SPEG: variants seen among roughly 807,000 people sequenced by gnomAD.
SPEG encodes striated muscle enriched protein kinase.
SPEG carries 114 observed loss-of-function variants against 300.4 expected under a neutral mutation model. The ratio of observed to expected loss-of-function variants is 0.38; its 90% CI spans 0.33 to 0.44. SPEG has a LOEUF of 0.44. Among genes scored for constraint, SPEG ranks in the 20% least tolerant of loss-of-function variants. The probability of loss-of-function intolerance (pLI) is 1.00; values close to 1 mark genes in which losing one functional copy is unlikely to be tolerated. For synonymous variants in SPEG, 1,964 were observed against 2,018.9 expected, an observed-to-expected ratio of 0.97 and a Z score of 0.73; for missense variants, 4,201 against 4,586.2, an observed-to-expected ratio of 0.92 and a Z score of 2.43.
intron 9 of SPEG, chr2:219,465,899 G>C: frequency 1.5e-6 from 1 of 658,830 alleles, no homozygotes; most frequent in Middle Eastern, 3.2e-4. Flanking sequence ...GTGTGCGTAT[G>C]GGTGTGTGCA....
intron 8 of SPEG, among the ~76,000 whole-genome samples, chr2:219,463,391 G>GTTTTT (rs1690924244): frequency 1.7e-5 from 1 of 60,604 alleles, no homozygotes; most frequent in African/African-American, 6.5e-5. Context: ...TCCCCACTGT[G>GTTTTT]ATTTTTTTTT....
At chr2:219,437,398 C>G (rs1954746457) in intron 1 of SPEG, 1 of 152,276 alleles carries the variant, frequency 6.6e-6, no homozygotes, top group African/African-American at 2.4e-5. Flanking sequence ...GTGTGGTCAG[C>G]AGCGCTGAGC....
At position 219,448,517 on chromosome 2, in the gene SPEG, G is replaced by C. The variant is rs943188914; in HGVS notation, c.1359G>C (p.Ser453=). The change falls in exon 4 of 41, where the codon TCG becomes TCC. Residue 453 remains serine (S), a synonymous_variant. Coordinates refer to ENST00000312358, the MANE Select transcript of SPEG (RefSeq NM_005876.5). ...CACCGTGGGGCACCCCCGGGGCCTCGCAGGAAGAACTGCGGGCGCCAGGCA... is the reference window on the plus strand; with the variant it reads ...CACCGTGGGGCACCCCCGGGGCCTCCCAGGAAGAACTGCGGGCGCCAGGCA... The part of the protein sequence containing the change: ...RGAPWGTPGA[S]QEELRAPGSV... 16 of 1,448,754 alleles carry C rather than the reference G, an allele frequency of 1.1e-5. 1 individual carries two copies. The highest frequency in any genetic ancestry group is 2.4e-4 in the Middle Eastern group (1 of 4,190). 89.7% of individuals were successfully genotyped at this position (1,448,754 alleles called of 1,614,324 possible).
chr2:219,451,646 C>T lies in SPEG; in HGVS notation c.2279C>T (p.Ser760Leu), dbSNP rs545960079. The T allele has an allele frequency of 3.8e-6, 6 of 1,581,000 alleles. No individual in the cohort carries two copies. Among genetic ancestry groups the T allele is most frequent in the Middle Eastern group, 1.7e-4 (1 of 5,886 alleles). Residue 760 changes from serine to leucine, a missense_variant, in exon 6 of 41, where the codon TCA (serine) becomes TTA (leucine). Coordinates refer to ENST00000312358, the MANE Select transcript of SPEG (RefSeq NM_005876.5). This position sits in a 1 kb window ranked among gnomAD's most constrained non-coding sequence, Gnocchi z 6.4. Reference protein sequence around the residue: ...PPQVSWHKDGSALRSEGRLLL... With the variant: ...PPQVSWHKDGLALRSEGRLLL... Reference sequence around the variant, plus strand: ...ACAGTGTCCTGGCACAAGGATGGGTCAGCGCTGCGCAGCGAGGGCCGCCTC... The same window carrying T: ...ACAGTGTCCTGGCACAAGGATGGGTTAGCGCTGCGCAGCGAGGGCCGCCTC...
chr2:219,465,986 T>C (rs372931720), intron 9 of SPEG: 6 of 1,323,188 alleles, frequency 4.5e-6, no homozygotes, highest in Non-Finnish European at 6.4e-6. Flanking sequence ...TGCATGTGTG[T>C]GTGTGCGCGT....
intron 9 of SPEG, chr2:219,465,983 G>A: frequency 1.5e-6 from 2 of 1,301,688 alleles, no homozygotes; most frequent in Non-Finnish European, 2.2e-6. Flanking sequence ...GTGTGCATGT[G>A]TGTGTGTGCG....
At chr2:219,435,549 C>T (rs1262595286) in intron 1 of SPEG, among the ~76,000 whole-genome samples, 184 bp downstream of exon 1, 3 of 152,192 alleles carry the variant, frequency 2.0e-5, no homozygotes, top group Non-Finnish European at 2.9e-5. Flanking sequence ...AATGGGGTGT[C>T]AAGGTAGAGA....
chr2:219,478,057 TC>T lies in SPEG; in HGVS notation c.4981del (p.His1661MetfsTer44). On this transcript the variant is annotated frameshift_variant, in exon 22 of 41. Transcript: ENST00000312358. LOFTEE classifies it high-confidence loss of function. ...CTCCAGCACGACTGTGTCCTCTACT[TC>T]CATGAGGCCTTCGAGAGGCGCCGGG... ...ARLQHDCVLYFHEAFERRRGL... is the reference protein window; with the variant it reads ...ARLQHDCVLYXHEAFERRRGL... 6.2e-7 allele frequency: 1 copy of T among 1,614,168 alleles called. No homozygotes were observed. Among genetic ancestry groups the T allele is most frequent in the Non-Finnish European group, 8.5e-7 (1 of 1,180,042 alleles).
At chr2:219,442,011 C>A in intron 1 of SPEG, 1 of 645,010 alleles carries the variant, frequency 1.6e-6, no homozygotes, top group Non-Finnish European at 2.2e-6. Flanking sequence ...CCCGCCCGTC[C>A]CCTCCTCGCC....
Position 219,479,212 on chromosome 2 carries a change from T to G in SPEG, c.5085+11T>G. ...GTGTGTGAGTCTGAGGTGAGGGCAG[T>G]GGGTGGCAGGGGCCAGGTTGGGCAC... On this transcript the variant is annotated intron_variant, in intron 23 of 40. Coordinates refer to ENST00000312358, the MANE Select transcript of SPEG (RefSeq NM_005876.5). This position sits in a 1 kb window ranked among gnomAD's most constrained non-coding sequence, Gnocchi z 5.5. The G allele has an allele frequency of 6.2e-7, 1 of 1,612,590 alleles. No homozygotes were observed. Among genetic ancestry groups the G allele is most frequent in the Non-Finnish European group, 8.5e-7 (1 of 1,179,290 alleles).
chr2:219,435,433 GC>G, intron 1 of SPEG, 68 bp downstream of exon 1: 1 of 1,450,704 alleles, frequency 6.9e-7, no homozygotes, highest in Non-Finnish European at 9.1e-7. Flanking sequence ...GGCTGCCCAG[GC>G]CACGCGGGTA....
chr2:219,491,797 C>T lies in SPEG; in HGVS notation c.9389C>T (p.Pro3130Leu), dbSNP rs1376293618. The change falls in exon 39 of 41, where the codon CCG (proline) becomes CTG (leucine). Residue 3130 changes from proline (P) to leucine (L), a missense_variant. By Grantham distance (98) the Pro-to-Leu change is moderately conservative (BLOSUM62 -3). Coordinates refer to ENST00000312358, the MANE Select transcript of SPEG (RefSeq NM_005876.5). ...HRTGTLEFMAPEMVKGEPIGS... is the reference protein window; with the variant it reads ...HRTGTLEFMALEMVKGEPIGS... ...CTTGGCCTCTGTCTCCTGTCAGCTC[C>T]GGAGATGGTGAAGGGAGAACCCATC... The T allele has an allele frequency of 2.5e-6, 4 of 1,613,030 alleles. No individual in the cohort carries two copies. The highest frequency in any genetic ancestry group is 2.2e-5 in the East Asian group (1 of 44,864).
chr2:219,435,029 C>T lies in SPEG; in HGVS notation c.52C>T (p.Pro18Ser), dbSNP rs544959269. Residue 18 changes from proline to serine, a missense_variant, in exon 1 of 41, where the codon CCC (proline) becomes TCC (serine). Physicochemically the swap from Pro to Ser is moderately conservative, Grantham distance 74 (BLOSUM62 -1). This residue lies in a region of SPEG where 1,258 missense variants were observed against 1,293.9 expected (regional missense o/e 0.97). Coordinates refer to ENST00000312358, the MANE Select transcript of SPEG (RefSeq NM_005876.5). ...RGEDAGTRAP[P>S]SPGVPPKRAK... ...CGAGGATGCGGGCACGAGGGCACCC[C>T]CCAGCCCCGGAGTGCCCCCGAAAAG... 2.9e-4 allele frequency: 440 copies of T among 1,500,184 alleles called. 1 individual carries two copies. Among genetic ancestry groups the T allele is most frequent in the Non-Finnish European group, 3.6e-4 (404 of 1,132,484 alleles). 92.9% of individuals were successfully genotyped at this position (1,500,184 alleles called of 1,614,324 possible). A position where few individuals can be genotyped will look rare whatever the true frequency, so the allele number is the denominator to read the frequency against.
Position 219,483,884 on chromosome 2 carries a change from C to T in SPEG, c.6421C>T (p.Arg2141Trp). The change falls in exon 30 of 41, where the codon CGG becomes TGG. Residue 2141 changes from arginine (R) to tryptophan (W), a missense_variant. By Grantham distance (101) the Arg-to-Trp change is moderately radical. This residue lies in a region of SPEG where 1,578 missense variants were observed against 1,506.0 expected (regional missense o/e 1.05). Coordinates refer to ENST00000312358, the MANE Select transcript of SPEG (RefSeq NM_005876.5). Reference sequence around the variant, plus strand: ...CCAGGGTGAGGCGGAGCCCCGGGGCCGGCACCGCCGAGCGGGGGCGCCCCT... The same window carrying T: ...CCAGGGTGAGGCGGAGCCCCGGGGCTGGCACCGCCGAGCGGGGGCGCCCCT... ...FSQGEAEPRG[R>W]HRRAGAPLEI... The T allele has an allele frequency of 6.3e-7, 1 of 1,598,798 alleles. No homozygotes were observed. Among genetic ancestry groups the T allele is most frequent in the Non-Finnish European group, 8.5e-7 (1 of 1,177,810 alleles).
Position 219,481,650 on chromosome 2 carries a change from A to C in SPEG, c.5535A>C (p.Ala1845=). The change falls in exon 28 of 41, where the codon GCA becomes GCC. Residue 1845 remains alanine (A), a synonymous_variant. Transcript: ENST00000312358. The surrounding 1 kb of genome is among the most constrained non-coding windows in gnomAD (Gnocchi z 5.4). The part of the protein sequence containing the change: ...VLVQDRLRPT[A]EETLEHPWFK... Reference sequence around the variant, plus strand: ...CATTCATTCACAGGAGACCTACCGCAGAAGAGACCCTAGAACATCCTTGGT... The same window carrying C: ...CATTCATTCACAGGAGACCTACCGCCGAAGAGACCCTAGAACATCCTTGGT... 6 of 1,614,160 alleles carry C rather than the reference A, an allele frequency of 3.7e-6. No homozygotes were observed. The highest frequency in any genetic ancestry group is 5.1e-6 in the Non-Finnish European group (6 of 1,180,008).
At chr2:219,487,891 A>T (rs937037183) in intron 31 of SPEG, among the ~76,000 whole-genome samples, 1 of 152,244 alleles carries the variant, frequency 6.6e-6, no homozygotes, top group Non-Finnish European at 1.5e-5. Context: ...CTTATAGACC[A>T]CTTACTTAGT....
Position 219,484,670 on chromosome 2 carries a change from C to T in SPEG, c.7207C>T (p.Pro2403Ser). 1.3e-6 allele frequency: 2 copies of T among 1,523,990 alleles called. No homozygotes were observed. Among genetic ancestry groups the T allele is most frequent in the Non-Finnish European group, 1.7e-6 (2 of 1,142,984 alleles). The allele number at this position is 1,523,990 out of a possible 1,614,324, so 94.4% of individuals were successfully genotyped here. The part of the protein sequence containing the change: ...SVQDLRAVGE[P>S]GLVRRLSLSL... ...GCAGGACCTCAGGGCTGTCGGAGAG[C>T]CTGGCCTCGTCCGCCGCCTCTCGCT... The change falls in exon 30 of 41, where the codon CCT becomes TCT. Residue 2403 changes from proline (P) to serine (S), a missense_variant. Pro to Ser is a moderately conservative substitution (Grantham distance 74, BLOSUM62 -1). Transcript: ENST00000312358.
At chr2:219,437,962 G>T (rs997324285) in intron 1 of SPEG, among the ~76,000 whole-genome samples, 12 of 152,182 alleles carry the variant, frequency 7.9e-5, no homozygotes, top group African/African-American at 2.9e-4. Flanking sequence ...TGCTTTCCTG[G>T]CTGGGATTGC....
rs936010930 is a variant in SPEG, at chr2:219,445,962, G to A, written c.815+801G>A. Among the ~76,000 whole-genome samples the A allele has an allele frequency of 5.9e-5, 9 of 152,100 alleles. No homozygotes were observed. Among genetic ancestry groups the A allele is most frequent in the Admixed American group, 1.3e-4 (2 of 15,270 alleles). ...GGAGATTTGGGGCTCGCAGATACAG[G>A]AGGGAGTGCTATAGTGGAAGAGGGG... On this transcript the variant is annotated intron_variant, in intron 3 of 40. Coordinates refer to ENST00000312358, the MANE Select transcript of SPEG (RefSeq NM_005876.5). The surrounding 1 kb of genome is among the most constrained non-coding windows in gnomAD (Gnocchi z 6.1).
Sources: allele counts gnomAD v4.1 joint callset (sites outside exome capture counted in the v4.1 genomes callset), GRCh38; gene constraint gnomAD v4.1.1; regional missense constraint gnomAD v4.1.1; non-coding constraint Gnocchi (gnomAD v3.1); transcripts MANE v1.5; gene names NCBI Gene and HGNC (gene_info 2026-07-23, HGNC 2026-07-21).